The following SLCO4C1 variants were observed in gnomAD, a reference collection of about 807,000 sequenced individuals.
SLCO4C1 encodes solute carrier organic anion transporter family member 4C1, also known as organic anion transporter M1.
SLCO4C1 carries 58 observed loss-of-function variants against 72.1 expected under a neutral mutation model. The observed-to-expected ratio is 0.80, with a 90% CI of 0.65 to 1.00. The LOEUF is 1.00. SLCO4C1 is among the 50% of genes least tolerant of loss of function. The pLI is 0.00. For missense variants in SLCO4C1, 898 were observed against 857.9 expected (o/e 1.05, Z -0.58); for synonymous variants, 297 against 312.5 (o/e 0.95, Z 0.52).
At chr5:102,280,979 T>A (rs555222642) in intron 2 of SLCO4C1, among the ~76,000 whole-genome samples, 21 of 152,224 alleles carry the variant, frequency 1.4e-4, no homozygotes, top group African/African-American at 4.8e-4. Context: ...ATTCTAAAAT[T>A]TATATAGAAA....
Position 102,257,950 on chromosome 5 carries a change from A to G in SLCO4C1, c.1266T>C (p.Thr422=), listed in dbSNP as rs1748868621. The G allele has an allele frequency of 6.2e-7, 1 of 1,602,644 alleles. No individual in the cohort carries two copies. The highest frequency in any genetic ancestry group is 1.1e-5 in the South Asian group (1 of 87,530). The change falls in exon 7 of 13, where the codon ACT becomes ACC. Residue 422 remains threonine (T), a synonymous_variant. Coordinates refer to ENST00000310954, the MANE Select transcript of SLCO4C1 (RefSeq NM_180991.5). ...QFGLTSSFAA[T]LGGAVLIPGA... ...ATAAAGAAAATGTTTTACCTCCAAG[A>G]GTAGCTGCGAAGCTGGATGTCAATC...
At chr5:102,256,917 TC>T (rs1439069318) in intron 8 of SLCO4C1, among the ~76,000 whole-genome samples, 197 bp downstream of exon 8, 1 of 152,182 alleles carries the variant, frequency 6.6e-6, no homozygotes, top group Non-Finnish European at 1.5e-5. Flanking sequence ...CCTTAAATGT[TC>T]TTTGTATAAA....
At chr5:102,278,833 A>G (rs1749302224) in intron 2 of SLCO4C1, among the ~76,000 whole-genome samples, 1 of 152,072 alleles carries the variant, frequency 6.6e-6, no homozygotes, top group African/African-American at 2.4e-5. Context: ...ATAGTGAAAT[A>G]CAACTCAAGC....
At chr5:102,264,934 C>T (rs1025214474) in intron 3 of SLCO4C1, among the ~76,000 whole-genome samples, 8 of 151,994 alleles carry the variant, frequency 5.3e-5, no homozygotes, top group Admixed American at 3.3e-4. Flanking sequence ...TCTAGGCTCA[C>T]CCATGTTACT....
At chr5:102,270,561 A>G in intron 3 of SLCO4C1, 63 bp downstream of exon 3, 1 of 1,387,784 alleles carries the variant, frequency 7.2e-7, no homozygotes, top group Non-Finnish European at 9.6e-7. Flanking sequence ...GTTATACTTT[A>G]CTTCTAAAGT....
chr5:102,249,898 C>G, intron 8 of SLCO4C1, 110 bp from the exon 9 acceptor site: 1 of 1,075,818 alleles, frequency 9.3e-7, no homozygotes, highest in East Asian at 2.4e-5. Context: ...TCACTCAACA[C>G]ATAATTACTA....
intron 2 of SLCO4C1, among the ~76,000 whole-genome samples, chr5:102,284,977 A>G (rs964846479): frequency 6.6e-6 from 1 of 152,198 alleles, no homozygotes; most frequent in African/African-American, 2.4e-5. Context: ...AAAGGAAGAC[A>G]TAAAGCAATA....
intron 10 of SLCO4C1, among the ~76,000 whole-genome samples, chr5:102,245,315 A>G (rs891782398): frequency 2.0e-5 from 3 of 152,156 alleles, no homozygotes; most frequent in African/African-American, 7.2e-5. Flanking sequence ...CTTCACCTAT[A>G]AAGACACACA....
intron 4 of SLCO4C1, among the ~76,000 whole-genome samples, chr5:102,262,533 C>A (rs1241944934): frequency 1.3e-5 from 2 of 152,046 alleles, no homozygotes; most frequent in Non-Finnish European, 2.9e-5. Flanking sequence ...GGTGCAATTG[C>A]ATGATCATAG....
intron 2 of SLCO4C1, among the ~76,000 whole-genome samples, chr5:102,281,839 A>T (rs1749362173): frequency 6.6e-6 from 1 of 152,136 alleles, no homozygotes; most frequent in Admixed American, 6.6e-5. Flanking sequence ...TCTGGAAAAC[A>T]GTTTGGCAGT....
At chr5:102,244,427 T>C (rs947495281) in intron 10 of SLCO4C1, among the ~76,000 whole-genome samples, 4 of 152,032 alleles carry the variant, frequency 2.6e-5, no homozygotes, top group Non-Finnish European at 4.4e-5. Flanking sequence ...CTAAGAGTTA[T>C]TGGTCATAAA....
chr5:102,282,745 G>C (rs750170620), intron 2 of SLCO4C1, among the ~76,000 whole-genome samples: 14 of 151,988 alleles, frequency 9.2e-5, no homozygotes, highest in Middle Eastern at 3.2e-3. Context: ...ATGTGAGTGT[G>C]AATGTGTGCA....
intron 9 of SLCO4C1, among the ~76,000 whole-genome samples, chr5:102,247,898 T>C (rs1444147939): frequency 1.3e-5 from 2 of 150,476 alleles, no homozygotes; most frequent in Non-Finnish European, 3.0e-5. Flanking sequence ...AGTGCTTTCA[T>C]TGTTCCAAAG....
chr5:102,260,553 A>G (rs188956347), intron 5 of SLCO4C1, among the ~76,000 whole-genome samples: 3 of 151,848 alleles, frequency 2.0e-5, no homozygotes, highest in African/African-American at 7.2e-5. Flanking sequence ...GTCTGTAATC[A>G]GGATGCCCCA....
chr5:102,241,386 C>G (rs1748536913), intron 10 of SLCO4C1, among the ~76,000 whole-genome samples: 4 of 152,020 alleles, frequency 2.6e-5, no homozygotes. Context: ...AGCACTACAA[C>G]TAGCAGATGA....
At position 102,269,766 on chromosome 5, in the gene SLCO4C1, T is replaced by TTATTGC. The variant is rs1181587785; in HGVS notation, c.802+857_802+858insGCAATA. On this transcript the variant is annotated intron_variant, in intron 3 of 12. Coordinates refer to ENST00000310954, the MANE Select transcript of SLCO4C1 (RefSeq NM_180991.5). ...TGCCATGTTTCCTTGCTTTTTCATGTTTTTGCTTTTGCTTGTTACTATATT... is the reference window on the plus strand; with the variant it reads ...TGCCATGTTTCCTTGCTTTTTCATGTTATTGCTTTTGCTTTTGCTTGTTACTATATT... Among the ~76,000 whole-genome samples, 25 of 152,296 alleles carry TTATTGC rather than the reference T, an allele frequency of 1.6e-4. No homozygotes were observed. The East Asian group carries it at 4.8e-3, about 29-fold the overall frequency.
At chr5:102,262,067 C>T (rs189408357) in intron 4 of SLCO4C1, 34 bp from the exon 5 acceptor site, 1 of 1,578,764 alleles carries the variant, frequency 6.3e-7, no homozygotes, top group African/African-American at 1.4e-5. Flanking sequence ...TAAAAGTCAA[C>T]TCTACCTTAT....
At chr5:102,284,162 T>A (rs1186075422) in intron 2 of SLCO4C1, among the ~76,000 whole-genome samples, 2 of 151,974 alleles carry the variant, frequency 1.3e-5, no homozygotes, top group East Asian at 3.9e-4. Context: ...GTTACCCTAT[T>A]TTTTTAGCCC....
intron 9 of SLCO4C1, among the ~76,000 whole-genome samples, chr5:102,249,145 GAAC>G (rs1250079298): frequency 1.3e-5 from 2 of 151,700 alleles, no homozygotes; most frequent in Non-Finnish European, 2.9e-5. Flanking sequence ...ATTGACCCTT[GAAC>G]AACACAGGTT....
Sources: allele counts gnomAD v4.1 joint callset (sites outside exome capture counted in the v4.1 genomes callset), GRCh38; gene constraint gnomAD v4.1.1; transcripts MANE v1.5; gene names NCBI Gene and HGNC (gene_info 2026-07-23, HGNC 2026-07-21).